CPLX1: variants seen among roughly 807,000 people sequenced by gnomAD.
The protein encoded by CPLX1 is complexin-1.
In CPLX1, 6 loss-of-function variants were observed where a neutral mutation model predicts 15.6. That is an observed-to-expected ratio of 0.39 (90% CI 0.21 to 0.76). The LOEUF (loss-of-function observed/expected upper bound fraction) is 0.76. Among genes scored for constraint, CPLX1 ranks in the 30% least tolerant of loss-of-function variants. The probability of loss-of-function intolerance (pLI) is 0.43; values close to 1 mark genes in which losing one functional copy is unlikely to be tolerated. For synonymous variants in CPLX1, 91 were observed against 75.2 expected (o/e 1.21, Z -1.08); for missense variants, 242 against 188.6 (o/e 1.28, Z -1.66).
intron 2 of CPLX1, among the ~76,000 whole-genome samples, chr4:803,404 T>C (rs1746495182): frequency 6.6e-6 from 1 of 152,068 alleles, no homozygotes; most frequent in Non-Finnish European, 1.5e-5. Flanking sequence ...TTTCCTTTTT[T>C]TTTTGAGACG....
At chr4:813,115 A>T (rs1426072994) in intron 2 of CPLX1, among the ~76,000 whole-genome samples, 2 of 151,920 alleles carry the variant, frequency 1.3e-5, no homozygotes, top group Non-Finnish European at 2.9e-5. Flanking sequence ...AAATGCAAAA[A>T]TTAGCTGGGT....
chr4:789,937 C>A (rs899274554), intron 3 of CPLX1, among the ~76,000 whole-genome samples: 3 of 76,538 alleles, frequency 3.9e-5, no homozygotes, highest in Non-Finnish European at 7.6e-5. Flanking sequence ...CAGGTGGCCA[C>A]GCCTGAAGGC....
intron 2 of CPLX1, among the ~76,000 whole-genome samples, chr4:804,461 T>A (rs1263642049): frequency 1.3e-5 from 2 of 151,896 alleles, no homozygotes; most frequent in African/African-American, 4.8e-5. Context: ...TACGAAAATA[T>A]AACCTACTTA....
At position 786,211 on chromosome 4, in the gene CPLX1, G is replaced by A. The variant is rs1375073329; in HGVS notation, c.*290C>T. Reference sequence around the variant, plus strand: ...GTGGTCGCGGGGCTGCCCTTCGGCGGCCCTGGCCTCGGGCGCTGCTGGGTG... The same window carrying A: ...GTGGTCGCGGGGCTGCCCTTCGGCGACCCTGGCCTCGGGCGCTGCTGGGTG... On this transcript the variant is annotated 3_prime_UTR_variant, in exon 4 of 4. Coordinates refer to ENST00000304062, the MANE Select transcript of CPLX1 (RefSeq NM_006651.4). 1.2e-5 allele frequency: 3 copies of A among 259,586 alleles called. No individual in the cohort carries two copies. Among genetic ancestry groups the A allele is most frequent in the Non-Finnish European group, 2.2e-5 (3 of 137,974 alleles). The allele number at this position is 259,586 out of a possible 1,614,324, so 16.1% of individuals were successfully genotyped here.
intron 3 of CPLX1, chr4:787,935 C>T (rs1428566116): frequency 6.1e-6 from 6 of 985,250 alleles, no homozygotes; most frequent in Admixed American, 6.1e-5. Context: ...GCTGGACTTC[C>T]ATCCCCTGAA....
At position 786,307 on chromosome 4, in the gene CPLX1, G is replaced by A. The variant is rs961795311; in HGVS notation, c.*194C>T. The A allele has an allele frequency of 5.6e-5, 26 of 462,070 alleles. No homozygotes were observed. Among genetic ancestry groups the A allele is most frequent in the Non-Finnish European group, 8.9e-5 (24 of 268,258 alleles). 28.6% of individuals were successfully genotyped at this position (462,070 alleles called of 1,614,324 possible). On this transcript the variant is annotated 3_prime_UTR_variant, in exon 4 of 4. Coordinates refer to ENST00000304062, the MANE Select transcript of CPLX1 (RefSeq NM_006651.4). ...CAGCCACCCGCGGGCAGAGGAGCAC[G>A]GGGCGGACTGGGGGGGTCCTGGGGG...
intron 3 of CPLX1, 81 bp from the exon 4 acceptor site, chr4:786,779 C>G (rs968345329): frequency 1.3e-5 from 19 of 1,491,922 alleles, no homozygotes; most frequent in Non-Finnish European, 1.6e-5. Flanking sequence ...GGGACTGGCC[C>G]AGGAACCCCC....
intron 2 of CPLX1, among the ~76,000 whole-genome samples, chr4:807,636 G>A (rs75591064): frequency 0.099 from 15,051 of 151,846 alleles, 946 homozygotes; most frequent in African/African-American, 0.18. Context: ...CACCATGCCC[G>A]GCCAATTTTT....
intron 2 of CPLX1, among the ~76,000 whole-genome samples, chr4:818,357 G>A (rs1038299741): frequency 3.3e-5 from 5 of 152,218 alleles, no homozygotes; most frequent in South Asian, 2.1e-4. Context: ...CCCCAGCCCC[G>A]CCACGGGCCT....
At chr4:823,787 A>G (rs28533913) in intron 2 of CPLX1, among the ~76,000 whole-genome samples, 3,062 of 152,330 alleles carry the variant, frequency 0.02, 97 homozygotes, top group African/African-American at 0.069. Flanking sequence ...TCTGGCCACA[A>G]TGACAGCCTT....
chr4:788,401 G>A (rs1746065721), intron 3 of CPLX1: 2 of 985,264 alleles, frequency 2.0e-6, no homozygotes, highest in South Asian at 4.7e-5. Context: ...CCAGCCGCCT[G>A]TGGCCAGACC....
rs373956261 is a variant in CPLX1 at position 797,024 on chromosome 4, T to A, written c.32-4416A>T. Reference sequence around the variant, plus strand: ...TCAGGACCCTGGAGAAAGAATGCAGTATCCCCAGATGGGACAGGATACTTA... The same window carrying A: ...TCAGGACCCTGGAGAAAGAATGCAGAATCCCCAGATGGGACAGGATACTTA... On this transcript the variant is annotated intron_variant, in intron 2 of 3. Transcript: ENST00000304062. Among the ~76,000 whole-genome samples the A allele has an allele frequency of 1.2e-4, 19 of 152,328 alleles. No individual in the cohort carries two copies. The South Asian group carries it at 2.7e-3, about 22-fold the overall frequency.
chr4:813,902 C>T (rs1036078922), intron 2 of CPLX1, among the ~76,000 whole-genome samples: 10 of 152,214 alleles, frequency 6.6e-5, no homozygotes, highest in Admixed American at 2.6e-4. Context: ...TTTCCTGACT[C>T]GCTGAAACAT....
chr4:799,512 T>G (rs2152644906), intron 2 of CPLX1, among the ~76,000 whole-genome samples: 1 of 152,278 alleles, frequency 6.6e-6, no homozygotes, highest in South Asian at 2.1e-4. Flanking sequence ...CTCCTATCCT[T>G]GGGACCCTTC....
At chr4:819,981 C>G (rs1328774315) in intron 2 of CPLX1, among the ~76,000 whole-genome samples, 1 of 152,190 alleles carries the variant, frequency 6.6e-6, no homozygotes, top group Non-Finnish European at 1.5e-5. Flanking sequence ...CATCGTCACC[C>G]CAATTCAAGC....
chr4:786,138 T>G lies in CPLX1; in HGVS notation c.*363A>C. On this transcript the variant is annotated 3_prime_UTR_variant, in exon 4 of 4. Coordinates refer to ENST00000304062, the MANE Select transcript of CPLX1 (RefSeq NM_006651.4). ...CCCCCGTCTGCTATGGCTGTGCTCC[T>G]GAGTGCGGGCCCGACAGGCGCCCAC... 2 of 164,030 alleles carry G rather than the reference T, an allele frequency of 1.2e-5. No homozygotes were observed. The highest frequency in any genetic ancestry group is 2.0e-4 in the South Asian group (1 of 5,050). 10.2% of individuals were successfully genotyped at this position (164,030 alleles called of 1,614,324 possible).
Position 792,425 on chromosome 4 carries a change from G to C in CPLX1, c.207+8C>G. 1 of 1,538,188 alleles carries C rather than the reference G, an allele frequency of 6.5e-7. No homozygotes were observed. ...CCTTCCCGCAGGCGGGGCCGGCCCG[G>C]CGCGCACCTTGTCTCGGATGCCCTG... On this transcript the variant is annotated splice_region_variant and intron_variant, in intron 3 of 3. Coordinates refer to ENST00000304062, the MANE Select transcript of CPLX1 (RefSeq NM_006651.4).
At chr4:822,636 G>T (rs1746894064) in intron 2 of CPLX1, among the ~76,000 whole-genome samples, 1 of 152,000 alleles carries the variant, frequency 6.6e-6, no homozygotes, top group East Asian at 1.9e-4. Context: ...GCTTCTTTGT[G>T]TCCGGGGCTT....
In CPLX1 at chr4:786,221, C is replaced by T. The variant is rs1745981579; in HGVS notation, c.*280G>A. 7.2e-6 allele frequency: 2 copies of T among 278,678 alleles called. No individual in the cohort carries two copies. Among genetic ancestry groups the T allele is most frequent in the South Asian group, 1.3e-4 (1 of 7,638 alleles). The allele number at this position is 278,678 out of a possible 1,614,324, so 17.3% of individuals were successfully genotyped here. A position where few individuals can be genotyped will look rare whatever the true frequency, so the allele number is the denominator to read the frequency against. ...GGCTGCCCTTCGGCGGCCCTGGCCT[C>T]GGGCGCTGCTGGGTGGGCGGTAAAC... On this transcript the variant is annotated 3_prime_UTR_variant, in exon 4 of 4. Coordinates refer to ENST00000304062, the MANE Select transcript of CPLX1 (RefSeq NM_006651.4).
Sources: gnomAD v4.1 joint callset for allele counts (sites outside exome capture counted in the v4.1 genomes callset) on GRCh38, gnomAD v4.1.1 for gene constraint, MANE v1.5 for transcripts, NCBI Gene and HGNC (gene_info 2026-07-23, HGNC 2026-07-21) for gene names.